PAFAH1B1: variants seen among roughly 807,000 people sequenced by gnomAD.
PAFAH1B1 encodes the protein platelet activating factor acetylhydrolase 1b regulatory subunit 1.
A neutral mutation model predicts 57.5 loss-of-function variants in PAFAH1B1; 2 were observed. That is an observed-to-expected ratio of 0.03 (90% confidence interval 0.01 to 0.11). The LOEUF is 0.11. PAFAH1B1 is among the 10% of genes least tolerant of loss of function. The pLI is 1.00. For missense variants in PAFAH1B1, 257 were observed against 512.0 expected, an observed-to-expected ratio of 0.50 and a Z score of 4.81; for synonymous variants, 152 against 169.6, an observed-to-expected ratio of 0.90 and a Z score of 0.81.
intron 2 of PAFAH1B1, among the ~76,000 whole-genome samples, chr17:2,661,319 A>G (rs2069010492): frequency 6.6e-6 from 1 of 152,174 alleles, no homozygotes; most frequent in African/African-American, 2.4e-5. Flanking sequence ...TCTTTAATCC[A>G]TCTTGACTTA....
chr17:2,622,548 G>T (rs2068437681), intron 1 of PAFAH1B1, among the ~76,000 whole-genome samples: 1 of 152,188 alleles, frequency 6.6e-6, no homozygotes, highest in South Asian at 2.1e-4. Context: ...GCAAGAGGTG[G>T]GTTCCCATGG....
chr17:2,643,211 G>A (rs549995391), intron 2 of PAFAH1B1, among the ~76,000 whole-genome samples: 2 of 152,196 alleles, frequency 1.3e-5, no homozygotes, highest in Admixed American at 6.5e-5. Flanking sequence ...TTACACCTCA[G>A]CCTCCCGAGT....
chr17:2,676,809 T>C (rs929377762), intron 9 of PAFAH1B1, among the ~76,000 whole-genome samples: 3 of 152,248 alleles, frequency 2.0e-5, no homozygotes, highest in Admixed American at 6.5e-5. Flanking sequence ...ATAAAGAATC[T>C]GTAGAGCCAG....
At chr17:2,594,384 G>A (rs959627200) in intron 1 of PAFAH1B1, among the ~76,000 whole-genome samples, 1 of 152,206 alleles carries the variant, frequency 6.6e-6, no homozygotes, top group Non-Finnish European at 1.5e-5. Flanking sequence ...TTGGAAGGGC[G>A]TGGGGACCAG....
intron 2 of PAFAH1B1, chr17:2,640,785 A>G (rs772702620): frequency 1.3e-5 from 2 of 152,076 alleles, no homozygotes; most frequent in African/African-American, 2.4e-5. Context: ...CCAGAATACT[A>G]CATAAGTAGT....
At position 2,667,679 on chromosome 17, in the gene PAFAH1B1, A is replaced by G. The variant is rs142676896; in HGVS notation, c.399+481A>G. Reference sequence around the variant, plus strand: ...AACTAGTAATTGATAGGGTGAATCTATACTGCAAAAGAATTCAGTAGAGGA... The same window carrying G: ...AACTAGTAATTGATAGGGTGAATCTGTACTGCAAAAGAATTCAGTAGAGGA... On this transcript the variant is annotated intron_variant, in intron 5 of 10. Transcript: ENST00000397195. Among the ~76,000 whole-genome samples the G allele has an allele frequency of 1.6e-4, 25 of 152,094 alleles. No homozygotes were observed. In the East Asian group the frequency reaches 3.5e-3, roughly 21 times the overall value.
chr17:2,637,222 T>A (rs1329357126), intron 1 of PAFAH1B1, among the ~76,000 whole-genome samples: 1 of 152,184 alleles, frequency 6.6e-6, no homozygotes, highest in Non-Finnish European at 1.5e-5. Context: ...TTTTTATTGC[T>A]TTGAATTGCC....
intron 2 of PAFAH1B1, among the ~76,000 whole-genome samples, chr17:2,662,276 C>T (rs113903973): frequency 0.012 from 1,834 of 152,044 alleles, 35 homozygotes; most frequent in African/African-American, 0.042. Context: ...CTGTGTCTAG[C>T]TTAGGATCTG....
chr17:2,597,294 T>TA (rs1175686222), intron 1 of PAFAH1B1, among the ~76,000 whole-genome samples: 1 of 152,084 alleles, frequency 6.6e-6, no homozygotes, highest in Non-Finnish European at 1.5e-5. Context: ...AATTTTTTGT[T>TA]ACCTGTTTTT....
At chr17:2,642,825 G>A (rs529725523) in intron 2 of PAFAH1B1, among the ~76,000 whole-genome samples, 3 of 152,022 alleles carry the variant, frequency 2.0e-5, no homozygotes, top group South Asian at 4.2e-4. Flanking sequence ...AAATATAGTT[G>A]GGTTCATCTT....
Position 2,663,982 on chromosome 17 carries a change from C to T in PAFAH1B1, c.33-1390C>T, listed in dbSNP as rs748189503. On this transcript the variant is annotated intron_variant, in intron 2 of 10. Coordinates refer to ENST00000397195, the MANE Select transcript of PAFAH1B1 (RefSeq NM_000430.4). ...TGCTGAGATTACAGGCGTGAGCCAC[C>T]GCTCCCAGCCTCTGGTCTTGAACTT... 2.3e-3 allele frequency among the ~76,000 whole-genome samples: 348 copies of T among 151,850 alleles called. 2 individuals are homozygous for T. Among genetic ancestry groups the T allele is most frequent in the Non-Finnish European group, 2.4e-3 (163 of 67,950 alleles).
At chr17:2,651,413 CAAAAAA>C (rs1157501996) in intron 2 of PAFAH1B1, among the ~76,000 whole-genome samples, 2 of 53,352 alleles carry the variant, frequency 3.7e-5, no homozygotes, top group African/African-American at 1.2e-4. Context: ...CCCGTCTCTA[CAAAAAA>C]AAAAAAAAAA....
intron 2 of PAFAH1B1, among the ~76,000 whole-genome samples, chr17:2,643,899 A>G (rs560335559): frequency 6.7e-6 from 1 of 150,368 alleles, no homozygotes; most frequent in South Asian, 2.1e-4. Flanking sequence ...GACAGATTCA[A>G]CCCCTTTCGC....
intron 1 of PAFAH1B1, among the ~76,000 whole-genome samples, chr17:2,594,985 T>C (rs767224174): frequency 1.5e-4 from 23 of 152,238 alleles, no homozygotes; most frequent in Non-Finnish European, 2.9e-4. Context: ...TATGTTATGC[T>C]ACCTTTCTTC....
intron 1 of PAFAH1B1, among the ~76,000 whole-genome samples, chr17:2,624,922 A>G (rs983505081): frequency 6.6e-6 from 1 of 152,186 alleles, no homozygotes; most frequent in Admixed American, 6.5e-5. Flanking sequence ...ATTACCGGAT[A>G]AGTCTTTATT....
rs2069391756 is a variant in PAFAH1B1, at chr17:2,682,055, G to C, written c.*253G>C. On this transcript the variant is annotated 3_prime_UTR_variant, in exon 11 of 11. Coordinates refer to ENST00000397195, the MANE Select transcript of PAFAH1B1 (RefSeq NM_000430.4). ...ACCTGGGCTGGCATTGGTCACACCA[G>C]GCCTAAGAAGGCAGAAGTTGAATCA... is the stretch of plus-strand genomic sequence containing the variant. 1 of 406,336 alleles carries C rather than the reference G, an allele frequency of 2.5e-6. No homozygotes were observed. The highest frequency in any genetic ancestry group is 2.0e-5 in the African/African-American group (1 of 49,106). The allele number at this position is 406,336 out of a possible 1,614,324, so 25.2% of individuals were successfully genotyped here. A position where few individuals can be genotyped will look rare whatever the true frequency, so the allele number is the denominator to read the frequency against.
rs1350551407 is a variant in PAFAH1B1, at chr17:2,674,043, A to G, written c.672-17A>G. On this transcript the variant is annotated splice_polypyrimidine_tract_variant and intron_variant, in intron 7 of 10. Transcript: ENST00000397195. ...ATGATTGTCATTCACAGTGTAAGTT[A>G]TTATTTATATTGACAGCTACTGTGT... 6.5e-7 allele frequency: 1 copy of G among 1,545,372 alleles called. No homozygotes were observed. Among genetic ancestry groups the G allele is most frequent in the Non-Finnish European group, 8.9e-7 (1 of 1,118,186 alleles).
chr17:2,678,451 A>T (rs966890835), intron 9 of PAFAH1B1, among the ~76,000 whole-genome samples: 8 of 149,262 alleles, frequency 5.4e-5, no homozygotes, highest in African/African-American at 2.0e-4. Flanking sequence ...CTGTAATCCC[A>T]GCTACTCGGG....
intron 1 of PAFAH1B1, among the ~76,000 whole-genome samples, chr17:2,628,828 T>C (rs2068523183): frequency 6.6e-6 from 1 of 152,196 alleles, no homozygotes; most frequent in Non-Finnish European, 1.5e-5. Flanking sequence ...GGGTTGTGTT[T>C]TTCCAAGAAT....
Sources: allele counts gnomAD v4.1 joint callset (sites outside exome capture counted in the v4.1 genomes callset), GRCh38; gene constraint gnomAD v4.1.1; transcripts MANE v1.5; gene names NCBI Gene and HGNC (gene_info 2026-07-23, HGNC 2026-07-21).